Variants in SEL1L3 observed in about 807,000 individuals in gnomAD.
The protein encoded by SEL1L3 is protein sel-1 homolog 3.
In SEL1L3, 76 loss-of-function variants were observed where a neutral mutation model predicts 142.8. The ratio of observed to expected loss-of-function variants is 0.53; its 90% CI spans 0.44 to 0.64. The LOEUF (loss-of-function observed/expected upper bound fraction) is 0.64. Among genes scored for constraint, SEL1L3 ranks in the 30% least tolerant of loss-of-function variants. The probability of loss-of-function intolerance (pLI) is 0.00; values close to 1 mark genes in which losing one functional copy is unlikely to be tolerated. For missense variants in SEL1L3, 1,262 were observed against 1,381.7 expected (o/e 0.91, Z 1.37); for synonymous variants, 504 against 519.6 (o/e 0.97, Z 0.41).
chr4:25,780,724 T>C (rs1169150623), intron 15 of SEL1L3, among the ~76,000 whole-genome samples: 1 of 146,606 alleles, frequency 6.8e-6, no homozygotes, highest in Non-Finnish European at 1.5e-5. Context: ...ATATAAAATA[T>C]ATAAATAATA....
At chr4:25,792,925 G>A (rs940738463) in intron 11 of SEL1L3, among the ~76,000 whole-genome samples, 2 of 152,116 alleles carry the variant, frequency 1.3e-5, no homozygotes, top group African/African-American at 2.4e-5. Flanking sequence ...CATAACTCAT[G>A]AAGACACAGT....
Position 25,845,999 on chromosome 4 carries a change from T to C in SEL1L3, c.733+1295A>G, listed in dbSNP as rs138045413. Among the ~76,000 whole-genome samples the C allele has an allele frequency of 2.9e-4, 44 of 152,096 alleles. No homozygotes were observed. The East Asian group carries it at 6.8e-3, about 23-fold the overall frequency. On this transcript the variant is annotated intron_variant, in intron 2 of 23. Coordinates refer to ENST00000399878, the MANE Select transcript of SEL1L3 (RefSeq NM_015187.5). ...CCCACCCCCGCAGATCCTGACTAAGTAGATGAAGGACTGGGCCTAGGAATT... is the reference window on the plus strand; with the variant it reads ...CCCACCCCCGCAGATCCTGACTAAGCAGATGAAGGACTGGGCCTAGGAATT...
At chr4:25,758,705 G>T (rs1298689064) in intron 21 of SEL1L3, among the ~76,000 whole-genome samples, 2 of 150,102 alleles carry the variant, frequency 1.3e-5, no homozygotes, top group Non-Finnish European at 3.0e-5. Context: ...GTAGAGATAA[G>T]GTTCTGCCAG....
chr4:25,722,771 G>T, the SEL1L3 span, among the ~76,000 whole-genome samples: 1 of 151,910 alleles, frequency 6.6e-6, no homozygotes, highest in East Asian at 1.9e-4. Context: ...ATTCTCTTGA[G>T]TATTACCTGT....
At chr4:25,767,380 T>C (rs1484878458) in intron 19 of SEL1L3, 145 bp downstream of exon 19, 7 of 630,808 alleles carry the variant, frequency 1.1e-5, no homozygotes, top group East Asian at 5.5e-5. Context: ...GAGCAGAGTT[T>C]AGCGATCTTA....
At chr4:25,775,722 T>C (rs1719565466) in intron 17 of SEL1L3, among the ~76,000 whole-genome samples, 1 of 152,158 alleles carries the variant, frequency 6.6e-6, no homozygotes, top group Admixed American at 6.5e-5. Context: ...AAGAACAAGA[T>C]GAGATTTGCT....
intron 5 of SEL1L3, among the ~76,000 whole-genome samples, chr4:25,831,681 C>A (rs1215422849): frequency 1.3e-5 from 2 of 151,742 alleles, no homozygotes; most frequent in Non-Finnish European, 2.9e-5. Flanking sequence ...ACGTACACCA[C>A]GCCCAGTTAA....
At position 25,804,508 on chromosome 4, in the gene SEL1L3, G is replaced by C. The variant is rs370324661; in HGVS notation, c.1776+33C>G. On this transcript the variant is annotated intron_variant, in intron 10 of 23. Coordinates refer to ENST00000399878, the MANE Select transcript of SEL1L3 (RefSeq NM_015187.5). ...ATTGCTTTGCAAATATAATGCAAGT[G>C]ACTGATGTTAATGGAGCAATGAAAT... 41 of 1,476,418 alleles carry C rather than the reference G, an allele frequency of 2.8e-5. No individual in the cohort carries two copies. The African/African-American group carries it at 5.5e-4, about 20-fold the overall frequency. 91.5% of individuals were successfully genotyped at this position (1,476,418 alleles called of 1,614,324 possible).
chr4:25,725,827 T>A, the SEL1L3 span, among the ~76,000 whole-genome samples: 1 of 152,130 alleles, frequency 6.6e-6, no homozygotes, highest in Admixed American at 6.5e-5. Flanking sequence ...GGTGGGAGTG[T>A]CTTTTAGCAT....
At chr4:25,851,319 C>T (rs2109315459) in intron 1 of SEL1L3, among the ~76,000 whole-genome samples, 1 of 152,222 alleles carries the variant, frequency 6.6e-6, no homozygotes, top group Admixed American at 6.5e-5. Context: ...AACCCAGTAC[C>T]CACTGGCAGT....
At chr4:25,802,215 G>A in intron 11 of SEL1L3, 68 bp downstream of exon 11, 1 of 1,433,200 alleles carries the variant, frequency 7.0e-7, no homozygotes, top group Non-Finnish European at 9.5e-7. Context: ...GCAACCACAG[G>A]GGCAGACACT....
At chr4:25,803,164 GGAGA>G (rs1157041229) in intron 10 of SEL1L3, among the ~76,000 whole-genome samples, 4 of 152,216 alleles carry the variant, frequency 2.6e-5, no homozygotes, top group African/African-American at 7.2e-5. Flanking sequence ...AAGGGTCTTT[GGAGA>G]TTGACTGGTC....
At chr4:25,739,636 T>G in the SEL1L3 span, among the ~76,000 whole-genome samples, 1 of 149,940 alleles carries the variant, frequency 6.7e-6, no homozygotes, top group Admixed American at 6.7e-5. Flanking sequence ...GAACCCAGGA[T>G]GCAGAGGTTG....
chr4:25,791,911 TAAAAA>T (rs55799752), intron 11 of SEL1L3, among the ~76,000 whole-genome samples: 1 of 134,490 alleles, frequency 7.4e-6, no homozygotes. Context: ...AGACTCAGTC[TAAAAA>T]AAAAAAAAAA....
the SEL1L3 span, among the ~76,000 whole-genome samples, chr4:25,738,006 C>G: frequency 6.6e-6 from 1 of 152,232 alleles, no homozygotes; most frequent in Non-Finnish European, 1.5e-5. Flanking sequence ...TCTCCTGCCT[C>G]AGCCGCCTGA....
rs552226633 is a variant in SEL1L3, at chr4:25,816,065, T to C, written c.1564+2073A>G. The stretch of plus-strand genomic sequence containing the variant: ...ATATTGTATATATATGAAATACTTA[T>C]ATAATAATCTATATTATATACTTAT... On this transcript the variant is annotated intron_variant, in intron 9 of 23. Coordinates refer to ENST00000399878, the MANE Select transcript of SEL1L3 (RefSeq NM_015187.5). 1.5e-4 allele frequency among the ~76,000 whole-genome samples: 22 copies of C among 147,802 alleles called. 1 individual carries two copies. In the South Asian group the frequency reaches 4.6e-3, roughly 31 times the overall value.
chr4:25,780,713 T>C (rs1311785295), intron 15 of SEL1L3, among the ~76,000 whole-genome samples: 1 of 146,892 alleles, frequency 6.8e-6, no homozygotes, highest in Non-Finnish European at 1.5e-5. Context: ...ATCCTACATA[T>C]ATATAAAATA....
chr4:25,739,951 GAATT>G, the SEL1L3 span, among the ~76,000 whole-genome samples: 2 of 150,964 alleles, frequency 1.3e-5, no homozygotes, highest in South Asian at 4.2e-4. Context: ...TTTTTTAACT[GAATT>G]AATTAATTAA....
intron 11 of SEL1L3, among the ~76,000 whole-genome samples, chr4:25,801,701 G>A (rs966842677): frequency 1.3e-5 from 2 of 152,142 alleles, no homozygotes; most frequent in Admixed American, 1.3e-4. Flanking sequence ...CTTCATCTGG[G>A]ATAGGGTGGA....
Sources: gnomAD v4.1 joint callset for allele counts (sites outside exome capture counted in the v4.1 genomes callset) on GRCh38, gnomAD v4.1.1 for gene constraint, MANE v1.5 for transcripts, NCBI Gene and HGNC (gene_info 2026-07-23, HGNC 2026-07-21) for gene names.